Variants in SHQ1 observed in about 807,000 individuals in gnomAD.
The protein encoded by SHQ1 is SHQ1, H/ACA ribonucleoprotein assembly factor, also known as protein SHQ1 homolog.
In SHQ1, 49 loss-of-function variants were observed where a neutral mutation model predicts 53.8. That is an observed-to-expected ratio of 0.91 (90% CI 0.72 to 1.16). The LOEUF is 1.16. Ranked by LOEUF, SHQ1 falls within the 50% of genes most tolerant of loss-of-function variation. The pLI is 0.00. For missense variants in SHQ1, 738 were observed against 683.1 expected, an observed-to-expected ratio of 1.08 and a Z score of -0.90; for synonymous variants, 243 against 251.0, an observed-to-expected ratio of 0.97 and a Z score of 0.30.
chr3:72,739,228 C>G, the SHQ1 span, among the ~76,000 whole-genome samples: 1 of 152,240 alleles, frequency 6.6e-6, no homozygotes, highest in Non-Finnish European at 1.5e-5. Flanking sequence ...CGTGTCACTT[C>G]TCAAGTGTCG....
chr3:72,845,788 C>T (rs1304873371), intron 1 of SHQ1, among the ~76,000 whole-genome samples: 1 of 152,062 alleles, frequency 6.6e-6, no homozygotes, highest in Non-Finnish European at 1.5e-5. Context: ...GCTGACAGTC[C>T]CAAAAGGCCC....
chr3:72,738,878 G>T, the SHQ1 span, among the ~76,000 whole-genome samples: 71 of 152,100 alleles, frequency 4.7e-4, no homozygotes, highest in East Asian at 0.013. Flanking sequence ...CCGCGCGCAC[G>T]CGCAGTGGCC....
rs151166185 is a variant in SHQ1 at position 72,778,810 on chromosome 3, G to C, written c.1181+14106C>G. On this transcript the variant is annotated intron_variant, in intron 10 of 10. Coordinates refer to ENST00000325599, the MANE Select transcript of SHQ1 (RefSeq NM_018130.3). ...AAGAGTTTAAGTTCTGTATAGAAAA[G>C]ATTCCTCTAACAAAAGCCAAAACCC... Among the ~76,000 whole-genome samples the C allele has an allele frequency of 6.9e-4, 105 of 152,296 alleles. 1 individual carries two copies. The East Asian group carries it at 0.015, about 22-fold the overall frequency.
intron 1 of SHQ1, among the ~76,000 whole-genome samples, chr3:72,845,777 A>G (rs956800579): frequency 2.6e-5 from 4 of 152,144 alleles, no homozygotes; most frequent in East Asian, 1.9e-4. Flanking sequence ...AAACAAAAAC[A>G]GCTGACAGTC....
At chr3:72,745,346 G>C (rs1705240327), downstream of SHQ1, among the ~76,000 whole-genome samples, 1 of 152,112 alleles carries the variant, frequency 6.6e-6, no homozygotes, top group South Asian at 2.1e-4. Flanking sequence ...GATTAATCTT[G>C]TGCCAGTGAA....
chr3:72,816,955 C>T (rs544622239), intron 7 of SHQ1, among the ~76,000 whole-genome samples: 1 of 152,274 alleles, frequency 6.6e-6, no homozygotes, highest in South Asian at 2.1e-4. Flanking sequence ...TCAGAGTAGC[C>T]TTCCTCTCTA....
chr3:72,762,832 G>A (rs1335918483), intron 10 of SHQ1, among the ~76,000 whole-genome samples: 3 of 151,800 alleles, frequency 2.0e-5, no homozygotes, highest in Non-Finnish European at 2.9e-5. Flanking sequence ...GCACCACCAC[G>A]CCTGGCTAAT....
chr3:72,785,030 C>A (rs1331539495), intron 10 of SHQ1, among the ~76,000 whole-genome samples: 1 of 152,180 alleles, frequency 6.6e-6, no homozygotes, highest in Admixed American at 6.5e-5. Flanking sequence ...CCTTGCTGAG[C>A]CAATCACATT....
In SHQ1 at chr3:72,812,702, G is replaced by A; in HGVS notation, c.1029C>T (p.Ala343=). 1.9e-6 allele frequency: 3 copies of A among 1,614,014 alleles called. No homozygotes were observed. The South Asian group carries it at 3.3e-5, about 18-fold the overall frequency. Residue 343 remains alanine (A), a synonymous_variant, in exon 9 of 11, where the codon GCC becomes GCT. Transcript: ENST00000325599. The part of the protein sequence containing the change: ...LYRHFKLVMK[A]YRDTIKILQL... Reference sequence around the variant, plus strand: ...GCAATATCTTTATAGTGTCCCTGTAGGCCTTCATCACCAGCTTGAAATGGC... The same window carrying A: ...GCAATATCTTTATAGTGTCCCTGTAAGCCTTCATCACCAGCTTGAAATGGC...
At chr3:72,734,768 A>AGCACT in the SHQ1 span, among the ~76,000 whole-genome samples, 2,077 of 151,822 alleles carry the variant, frequency 0.014, 94 homozygotes, top group African/African-American at 0.046. Context: ...GCATTTTGAG[A>AGCACT]GCACTGAATC....
At chr3:72,837,827 G>A (rs549724806) in intron 4 of SHQ1, among the ~76,000 whole-genome samples, 46 of 152,314 alleles carry the variant, frequency 3.0e-4, no homozygotes, top group Non-Finnish European at 5.6e-4. Flanking sequence ...CAGCAGCTGT[G>A]AATGAAGAAG....
intron 9 of SHQ1, among the ~76,000 whole-genome samples, chr3:72,811,716 C>T (rs538620560): frequency 5.9e-5 from 9 of 152,154 alleles, no homozygotes; most frequent in African/African-American, 7.2e-5. Context: ...ACACAGAAAG[C>T]GAAGTACACT....
intron 10 of SHQ1, among the ~76,000 whole-genome samples, chr3:72,772,010 A>G (rs540269984): frequency 0.011 from 1,603 of 152,300 alleles, 26 homozygotes; most frequent in African/African-American, 0.037. Context: ...TGCAGGGGGA[A>G]TTAATCCACA....
At chr3:72,841,228 A>C in intron 3 of SHQ1, 29 bp from the exon 4 acceptor site, 1 of 1,577,152 alleles carries the variant, frequency 6.3e-7, no homozygotes, top group Non-Finnish European at 8.6e-7. Context: ...AATTTTTTTT[A>C]AGTATTGGAT....
At chr3:72,847,086 AGTACATGAGGGCAG>A (rs1708359317) in intron 1 of SHQ1, among the ~76,000 whole-genome samples, 1 of 152,222 alleles carries the variant, frequency 6.6e-6, no homozygotes, top group Non-Finnish European at 1.5e-5. Context: ...CCCAGTGAAA[AGTACATGAGGGCAG>A]GACTTTGTCT....
chr3:72,793,181 T>C lies in SHQ1; in HGVS notation c.1061-145A>G, dbSNP rs1706495707. 15 of 638,850 alleles carry C rather than the reference T, an allele frequency of 2.3e-5. No homozygotes were observed. In the South Asian group the frequency reaches 3.2e-4, roughly 14 times the overall value. The allele number at this position is 638,850 out of a possible 1,614,324, so 39.6% of individuals were successfully genotyped here. On this transcript the variant is annotated intron_variant, in intron 9 of 10. Coordinates refer to ENST00000325599, the MANE Select transcript of SHQ1 (RefSeq NM_018130.3). ...AAAAAAATTTATGAGTCCTATTAGG[T>C]CCAAACCCCTTTACTGATTTCCTTA...
At chr3:72,767,079 A>G (rs2106731328) in intron 10 of SHQ1, among the ~76,000 whole-genome samples, 1 of 152,372 alleles carries the variant, frequency 6.6e-6, no homozygotes, top group Middle Eastern at 3.4e-3. Flanking sequence ...TAGAGACTTT[A>G]GCGGCATAGG....
At position 72,768,662 on chromosome 3, in the gene SHQ1, T is replaced by C. The variant is rs181431651; in HGVS notation, c.1182-17826A>G. Among the ~76,000 whole-genome samples, 78 of 152,324 alleles carry C rather than the reference T, an allele frequency of 5.1e-4. No homozygotes were observed. In the South Asian group the frequency reaches 6.0e-3, roughly 12 times the overall value. On this transcript the variant is annotated intron_variant, in intron 10 of 10. Coordinates refer to ENST00000325599, the MANE Select transcript of SHQ1 (RefSeq NM_018130.3). ...AAAACAACAACAGGGCTGCTATCCA[T>C]GTCAGTGAGAGGAGTTGGAAACAGA...
chr3:72,847,776 A>T (rs1708393157), intron 1 of SHQ1, among the ~76,000 whole-genome samples: 1 of 152,136 alleles, frequency 6.6e-6, no homozygotes, highest in Non-Finnish European at 1.5e-5. Flanking sequence ...CGGCCTGGGC[A>T]AAGTTAAAAG....
Sources: allele counts gnomAD v4.1 joint callset (sites outside exome capture counted in the v4.1 genomes callset), GRCh38; gene constraint gnomAD v4.1.1; transcripts MANE v1.5; gene names NCBI Gene and HGNC (gene_info 2026-07-23, HGNC 2026-07-21).